FGF14: variants seen among roughly 807,000 people sequenced by gnomAD.
FGF14 encodes fibroblast growth factor 14.
In FGF14, 5 loss-of-function variants were observed where a neutral mutation model predicts 25.5. The ratio of observed to expected loss-of-function variants is 0.20; its 90% CI spans 0.10 to 0.41. The LOEUF (loss-of-function observed/expected upper bound fraction) is 0.41. Ranked by LOEUF, FGF14 falls within the 10% of genes least tolerant of loss-of-function variation. The pLI is 1.00. For missense variants in FGF14, 222 were observed against 320.1 expected (o/e 0.69, Z 2.34); for synonymous variants, 138 against 118.3 (o/e 1.17, Z -1.08).
At chr13:102,025,893 T>A (rs1401695849) in intron 1 of FGF14, among the ~76,000 whole-genome samples, 2 of 152,048 alleles carry the variant, frequency 1.3e-5, no homozygotes, top group Non-Finnish European at 2.9e-5. Context: ...CTAATAGTTG[T>A]GTTTGTGTGT....
intron 1 of FGF14, among the ~76,000 whole-genome samples, chr13:102,132,448 G>A (rs906781291): frequency 6.6e-6 from 1 of 152,016 alleles, no homozygotes; most frequent in Non-Finnish European, 1.5e-5. Flanking sequence ...ATCTAGCAAT[G>A]TCATGTGAAA....
chr13:101,718,619 A>G lies in FGF14; in HGVS notation c.*4212T>C, dbSNP rs985524456. On this transcript the variant is annotated 3_prime_UTR_variant, in exon 5 of 5. Transcript: ENST00000376143. ...AGACTTTTTCAAAAAAGTCAACTAA[A>G]GTGCTAAGTCATAAGAGGAGAGCCA... is the stretch of plus-strand genomic sequence containing the variant. 5 of 152,052 alleles carry G rather than the reference A, an allele frequency of 3.3e-5. No homozygotes were observed. Among genetic ancestry groups the G allele is most frequent in the Admixed American group, 2.6e-4 (4 of 15,264 alleles). 9.4% of individuals were successfully genotyped at this position (152,052 alleles called of 1,614,324 possible).
intron 1 of FGF14, among the ~76,000 whole-genome samples, chr13:101,981,172 C>T (rs9513970): frequency 2.0e-5 from 3 of 151,494 alleles, no homozygotes; most frequent in East Asian, 2.0e-4. Context: ...CCCAGCTACT[C>T]GGGAGGCTGA....
intron 1 of FGF14, among the ~76,000 whole-genome samples, chr13:101,969,804 G>A (rs2037484932): frequency 6.6e-6 from 1 of 152,188 alleles, no homozygotes; most frequent in Non-Finnish European, 1.5e-5. Context: ...GATGACTGGG[G>A]TGAAAGGAGA....
At chr13:102,039,861 T>A (rs532745417) in intron 1 of FGF14, among the ~76,000 whole-genome samples, 193 of 152,202 alleles carry the variant, frequency 1.3e-3, no homozygotes, top group Admixed American at 3.1e-3. Context: ...GAGAAATCCA[T>A]CCTCTGTGTA....
In FGF14 at chr13:102,181,425, G is replaced by A. The variant is rs1446458772; in HGVS notation, c.208+220046C>T. 2.0e-5 allele frequency among the ~76,000 whole-genome samples: 3 copies of A among 152,138 alleles called. No homozygotes were observed. The East Asian group carries it at 5.8e-4, about 29-fold the overall frequency. On this transcript the variant is annotated intron_variant, in intron 1 of 4. Coordinates refer to the FGF14 transcript ENST00000376131. Reference sequence around the variant, plus strand: ...GTCCTAATCCCTGATACCCATGAATGTGCCTTTATTTGGAAAAAGGGGTTT... The same window carrying A: ...GTCCTAATCCCTGATACCCATGAATATGCCTTTATTTGGAAAAAGGGGTTT...
chr13:102,014,821 G>A (rs755368629), intron 1 of FGF14, among the ~76,000 whole-genome samples: 22 of 152,136 alleles, frequency 1.4e-4, no homozygotes, highest in Non-Finnish European at 2.8e-4. Context: ...GAAAAAAGAT[G>A]GAAAGAGGGC....
chr13:101,745,759 C>T (rs866892927), intron 3 of FGF14, among the ~76,000 whole-genome samples: 1 of 151,964 alleles, frequency 6.6e-6, no homozygotes, highest in Admixed American at 6.6e-5. Context: ...GGTTTGACCA[C>T]GTCTTGAAGA....
At chr13:101,863,473 A>G (rs149395799) in intron 3 of FGF14, among the ~76,000 whole-genome samples, 50 of 152,270 alleles carry the variant, frequency 3.3e-4, no homozygotes, top group African/African-American at 7.9e-4. Flanking sequence ...TAAACATAAA[A>G]CCTGGGGGAG....
intron 3 of FGF14, among the ~76,000 whole-genome samples, chr13:101,769,292 ACAAT>A (rs999404502): frequency 4.2e-4 from 64 of 152,204 alleles, no homozygotes; most frequent in African/African-American, 1.4e-3. Context: ...GAAAACTTAC[ACAAT>A]CAAATACTGA....
At chr13:102,179,309 G>T (rs533334891) in intron 1 of FGF14, among the ~76,000 whole-genome samples, 2 of 152,110 alleles carry the variant, frequency 1.3e-5, no homozygotes, top group South Asian at 4.1e-4. Context: ...TCCCAGAAAT[G>T]GTCCCAGACC....
rs1198738621 is a variant in FGF14, at chr13:102,161,646, G to C, written c.208+239825C>G. ...AGAAGAAGAAGAAGAAGAAGAAGAAGAAGAAGAAGAAGAAGAAGAAGAAGA... is the reference window on the plus strand; with the variant it reads ...AGAAGAAGAAGAAGAAGAAGAAGAACAAGAAGAAGAAGAAGAAGAAGAAGA... On this transcript the variant is annotated intron_variant, in intron 1 of 4. Coordinates refer to the FGF14 transcript ENST00000376131. 3.2e-3 allele frequency among the ~76,000 whole-genome samples: 47 copies of C among 14,570 alleles called. 2 individuals carry two copies. Among genetic ancestry groups the C allele is most frequent in the Non-Finnish European group, 4.3e-3 (30 of 6,948 alleles). 9.6% of individuals were successfully genotyped at this position (14,570 alleles called of 152,430 possible).
chr13:101,990,336 A>C (rs888376666), intron 1 of FGF14, among the ~76,000 whole-genome samples: 3 of 152,124 alleles, frequency 2.0e-5, no homozygotes, highest in Non-Finnish European at 4.4e-5. Flanking sequence ...TGCTCTTCCT[A>C]AACTGGAACT....
intron 1 of FGF14, among the ~76,000 whole-genome samples, chr13:102,288,392 T>G (rs2054211228): frequency 6.6e-6 from 1 of 152,130 alleles, no homozygotes; most frequent in African/African-American, 2.4e-5. Context: ...ATAATAATAT[T>G]CATAGAATTA....
At chr13:102,148,673 G>A (rs2046954555) in intron 1 of FGF14, among the ~76,000 whole-genome samples, 1 of 152,060 alleles carries the variant, frequency 6.6e-6, no homozygotes, top group Admixed American at 6.6e-5. Context: ...GCCATGCATG[G>A]CGGCATGCAA....
intron 3 of FGF14, among the ~76,000 whole-genome samples, chr13:101,864,190 G>A (rs1287713000): frequency 6.6e-6 from 1 of 152,132 alleles, no homozygotes; most frequent in Non-Finnish European, 1.5e-5. Context: ...GAGATGACCA[G>A]TCCCTATTCC....
chr13:102,144,068 T>G (rs895659952), intron 1 of FGF14, among the ~76,000 whole-genome samples: 1 of 152,186 alleles, frequency 6.6e-6, no homozygotes, highest in African/African-American at 2.4e-5. Flanking sequence ...CCGGCTGGAA[T>G]GCAGTGGTGC....
intron 1 of FGF14, among the ~76,000 whole-genome samples, chr13:102,122,542 C>T (rs2045773981): frequency 6.6e-6 from 1 of 152,146 alleles, no homozygotes; most frequent in Non-Finnish European, 1.5e-5. Flanking sequence ...TTGTTAAAGC[C>T]AGTGAGTATC....
intron 1 of FGF14, among the ~76,000 whole-genome samples, chr13:101,957,580 A>T (rs2139434577): frequency 6.6e-6 from 1 of 152,292 alleles, no homozygotes; most frequent in East Asian, 1.9e-4. Context: ...CAGACTCCCC[A>T]TTTTAACAAG....
Sources: gnomAD v4.1 joint callset for allele counts (sites outside exome capture counted in the v4.1 genomes callset) on GRCh38, gnomAD v4.1.1 for gene constraint, MANE v1.5 for transcripts, NCBI Gene and HGNC (gene_info 2026-07-23, HGNC 2026-07-21) for gene names.